The following ZFYVE9 variants were observed in gnomAD, a reference collection of about 807,000 sequenced individuals.
ZFYVE9 encodes the protein zinc finger FYVE-type containing 9, also known as zinc finger FYVE domain-containing protein 9.
In ZFYVE9, 43 loss-of-function variants were observed where a neutral mutation model predicts 126.7. That is an observed-to-expected ratio of 0.34 (90% CI 0.27 to 0.44). The LOEUF (loss-of-function observed/expected upper bound fraction) is 0.44, where lower values mean the gene tolerates loss of function less well. Ranked by LOEUF, ZFYVE9 falls within the 20% of genes least tolerant of loss-of-function variation. The pLI, the probability that ZFYVE9 is intolerant of heterozygous loss-of-function variation, is 1.00. For synonymous variants in ZFYVE9, 521 were observed against 597.4 expected (o/e 0.87, Z 1.87); for missense variants, 1,476 against 1,697.0 (o/e 0.87, Z 2.29).
rs1569720872 is a variant in ZFYVE9, at chr1:52,305,871, G to A, written c.3438+1946G>A. On this transcript the variant is annotated intron_variant, in intron 13 of 18. Transcript: ENST00000287727. The stretch of plus-strand genomic sequence containing the variant: ...ACTCCAATCTCAGAGCAAAGTCGGG[G>A]CAGTGCTGACACACCAGTGCCCTGC... Among the ~76,000 whole-genome samples the A allele has an allele frequency of 2.0e-5, 3 of 152,162 alleles. No homozygotes were observed. The East Asian group carries it at 5.8e-4, about 29-fold the overall frequency.
At chr1:52,156,973 C>G (rs1367499043) in intron 1 of ZFYVE9, among the ~76,000 whole-genome samples, 1 of 152,104 alleles carries the variant, frequency 6.6e-6, no homozygotes, top group Non-Finnish European at 1.5e-5. Flanking sequence ...GCTGGGACTA[C>G]AGGCGCCCGC....
At chr1:52,152,076 G>A (rs989059152) in intron 1 of ZFYVE9, among the ~76,000 whole-genome samples, 5 of 152,076 alleles carry the variant, frequency 3.3e-5, no homozygotes, top group East Asian at 1.9e-4. Flanking sequence ...TGCAACCTCC[G>A]CCTTCCAGGT....
chr1:52,256,567 G>T (rs1645521868), intron 4 of ZFYVE9, among the ~76,000 whole-genome samples: 1 of 152,098 alleles, frequency 6.6e-6, no homozygotes, highest in African/African-American at 2.4e-5. Context: ...TAGTAGAGAT[G>T]GGGTTTCACC....
At chr1:52,292,290 A>AG (rs1645928859) in intron 10 of ZFYVE9, among the ~76,000 whole-genome samples, 1 of 151,398 alleles carries the variant, frequency 6.6e-6, no homozygotes, top group African/African-American at 2.4e-5. Context: ...CTCAAAAAAA[A>AG]AAAAAAAACA....
At chr1:52,155,477 AC>A (rs1184500044) in intron 1 of ZFYVE9, among the ~76,000 whole-genome samples, 2 of 151,574 alleles carry the variant, frequency 1.3e-5, no homozygotes, top group East Asian at 3.9e-4. Flanking sequence ...CTCGTGGTCC[AC>A]CCGCCTCGGC....
chr1:52,244,722 C>T lies in ZFYVE9; in HGVS notation c.2178+5127C>T, dbSNP rs992251424. On this transcript the variant is annotated intron_variant, in intron 4 of 18. Coordinates refer to ENST00000287727, the MANE Select transcript of ZFYVE9 (RefSeq NM_004799.4). Reference sequence around the variant, plus strand: ...TAATGGGTTAGAATCAGTATTTATCCTTGGAGATATGATGAAATTGTTATA... The same window carrying T: ...TAATGGGTTAGAATCAGTATTTATCTTTGGAGATATGATGAAATTGTTATA... Among the ~76,000 whole-genome samples the T allele has an allele frequency of 9.9e-5, 15 of 152,046 alleles. 1 individual carries two copies. Among genetic ancestry groups the T allele is most frequent in the African/African-American group, 3.1e-4 (13 of 41,344 alleles).
chr1:52,236,160 T>C (rs1391640830), intron 3 of ZFYVE9, among the ~76,000 whole-genome samples: 1 of 152,182 alleles, frequency 6.6e-6, no homozygotes, highest in African/African-American at 2.4e-5. Flanking sequence ...TATATACTTC[T>C]TAGAGGCAAG....
rs572204865 is a variant in ZFYVE9, at chr1:52,277,855, A to C, written c.2747-637A>C. On this transcript the variant is annotated intron_variant, in intron 8 of 18. Coordinates refer to ENST00000287727, the MANE Select transcript of ZFYVE9 (RefSeq NM_004799.4). ...ATGAGAAGAGTTACATTCAGTATTA[A>C]CTTGTTCATGTTCAGAATCTTATGT... Among the ~76,000 whole-genome samples the C allele has an allele frequency of 2.0e-5, 3 of 152,332 alleles. No homozygotes were observed. The South Asian group carries it at 6.2e-4, about 32-fold the overall frequency.
At chr1:52,155,761 C>T (rs1339234664) in intron 1 of ZFYVE9, among the ~76,000 whole-genome samples, 1 of 152,178 alleles carries the variant, frequency 6.6e-6, no homozygotes, top group South Asian at 2.1e-4. Context: ...AGTGGTATTC[C>T]TGGATATAGA....
chr1:52,340,768 G>A lies in ZFYVE9; in HGVS notation c.3939+537G>A, dbSNP rs7540119. On this transcript the variant is annotated intron_variant, in intron 17 of 18. Coordinates refer to ENST00000287727, the MANE Select transcript of ZFYVE9 (RefSeq NM_004799.4). ...TACAAAAATTAGCCGAGGCATGGTG[G>A]TGCACACCTGTAGTCCCAGCTGCCT... Among the ~76,000 whole-genome samples the A allele has an allele frequency of 8.1e-3, 1,225 of 151,990 alleles. 24 individuals are homozygous for A. The highest frequency in any genetic ancestry group is 0.028 in the African/African-American group (1,143 of 41,410).
chr1:52,195,195 CAGTG>C (rs1406213494), intron 1 of ZFYVE9, among the ~76,000 whole-genome samples: 1 of 152,046 alleles, frequency 6.6e-6, no homozygotes, highest in Non-Finnish European at 1.5e-5. Flanking sequence ...CTTTGCAAAA[CAGTG>C]AGCACAGCTT....
chr1:52,210,259 A>G (rs967433251), intron 1 of ZFYVE9, among the ~76,000 whole-genome samples: 2 of 152,182 alleles, frequency 1.3e-5, no homozygotes, highest in Non-Finnish European at 2.9e-5. Context: ...CTGGAACATT[A>G]ATGAGTCAGA....
Position 52,293,445 on chromosome 1 carries a change from G to A in ZFYVE9, c.3026-8G>A. ...TACAAAGTAGCTAATAAACTTTTTT[G>A]TTTTTAGGGAATGTGGTGAGCAACT... On this transcript the variant is annotated splice_region_variant and splice_polypyrimidine_tract_variant and intron_variant, in intron 10 of 18. Transcript: ENST00000287727. 1 of 1,456,992 alleles carries A rather than the reference G, an allele frequency of 6.9e-7. No homozygotes were observed. The highest frequency in any genetic ancestry group is 1.2e-5 in the South Asian group (1 of 81,898). The allele number at this position is 1,456,992 out of a possible 1,614,324, so 90.3% of individuals were successfully genotyped here.
intron 12 of ZFYVE9, among the ~76,000 whole-genome samples, chr1:52,302,858 G>A (rs1646048411): frequency 6.6e-6 from 1 of 151,800 alleles, no homozygotes; most frequent in African/African-American, 2.4e-5. Context: ...GACTGTAATT[G>A]TAGCACTTTG....
chr1:52,296,192 C>T (rs192290202), intron 12 of ZFYVE9, among the ~76,000 whole-genome samples: 1 of 151,954 alleles, frequency 6.6e-6, no homozygotes, highest in African/African-American at 2.4e-5. Flanking sequence ...CACACACACA[C>T]ACATATATAT....
At chr1:52,146,446 A>G (rs953250463) in intron 1 of ZFYVE9, among the ~76,000 whole-genome samples, 3 of 152,230 alleles carry the variant, frequency 2.0e-5, no homozygotes, top group African/African-American at 7.2e-5. Context: ...TATAAACTAC[A>G]GTAGGCTAGA....
At chr1:52,182,324 A>G (rs1353144819) in intron 1 of ZFYVE9, among the ~76,000 whole-genome samples, 1 of 152,118 alleles carries the variant, frequency 6.6e-6, no homozygotes. Context: ...AAAGGTGGGG[A>G]AAAGATTGAG....
chr1:52,252,710 CA>C (rs1024221303), intron 4 of ZFYVE9: 1 of 440,574 alleles, frequency 2.3e-6, no homozygotes, highest in African/African-American at 2.0e-5. Context: ...GGTTGCAAAA[CA>C]TAACAGCCTG....
At chr1:52,325,613 T>C (rs1557521122) in intron 13 of ZFYVE9, among the ~76,000 whole-genome samples, 1 of 152,232 alleles carries the variant, frequency 6.6e-6, no homozygotes, top group Non-Finnish European at 1.5e-5. Flanking sequence ...AAAATCGTGC[T>C]AACCACATTA....
Sources: gnomAD v4.1 joint callset for allele counts (sites outside exome capture counted in the v4.1 genomes callset) on GRCh38, gnomAD v4.1.1 for gene constraint, MANE v1.5 for transcripts, NCBI Gene and HGNC (gene_info 2026-07-23, HGNC 2026-07-21) for gene names.